NUP35: variants seen among roughly 807,000 people sequenced by gnomAD.
The protein encoded by NUP35 is nucleoporin 35, also known as nucleoporin NUP35.
In NUP35, 25 loss-of-function variants were observed where a neutral mutation model predicts 41.5. That is an observed-to-expected ratio of 0.60 (90% confidence interval 0.44 to 0.84). The LOEUF (loss-of-function observed/expected upper bound fraction) is 0.84, where lower values mean the gene tolerates loss of function less well. Ranked by LOEUF, NUP35 falls within the 40% of genes least tolerant of loss-of-function variation. The pLI is 0.00. For missense variants in NUP35, 396 were observed against 396.6 expected (o/e 1.00, Z 0.01); for synonymous variants, 149 against 130.7 (o/e 1.14, Z -0.96).
chr2:183,138,271 T>TA (rs1559147396), intron 4 of NUP35, among the ~76,000 whole-genome samples: 84 of 54,326 alleles, frequency 1.5e-3, no homozygotes, highest in East Asian at 0.013. Context: ...ATATATATAT[T>TA]TTTTTTTTTT....
chr2:183,147,275 C>T (rs907203899), intron 4 of NUP35, among the ~76,000 whole-genome samples: 1 of 152,130 alleles, frequency 6.6e-6, no homozygotes, highest in African/African-American at 2.4e-5. Flanking sequence ...AAGTCTTTGC[C>T]TAGGCCAATG....
chr2:183,152,385 C>T (rs1048639489), intron 5 of NUP35, among the ~76,000 whole-genome samples: 2 of 152,134 alleles, frequency 1.3e-5, no homozygotes, highest in African/African-American at 4.8e-5. Flanking sequence ...GCACCCATCT[C>T]CTGAGCAGTA....
At chr2:183,135,252 C>T (rs976026363) in intron 4 of NUP35, among the ~76,000 whole-genome samples, 2 of 152,156 alleles carry the variant, frequency 1.3e-5, no homozygotes, top group Non-Finnish European at 2.9e-5. Flanking sequence ...CAGCTTATTC[C>T]ACCTACCACT....
rs756113093 is a variant in NUP35 at position 183,157,531 on chromosome 2, T to TA, written c.609+18_609+19insA. ...AACATGTGGTAAGGCTTAATTTTTT[T>TA]CAGTTCAGAGTTTTGACTAAAGAGG... On this transcript the variant is annotated intron_variant, in intron 6 of 8. Transcript: ENST00000295119. 1 of 1,548,702 alleles carries TA rather than the reference T, an allele frequency of 6.5e-7. No homozygotes were observed. Among genetic ancestry groups the TA allele is most frequent in the Non-Finnish European group, 8.9e-7 (1 of 1,121,732 alleles).
At chr2:183,122,139 TG>T (rs1700077827), upstream of NUP35, among the ~76,000 whole-genome samples, 2 of 151,610 alleles carry the variant, frequency 1.3e-5, no homozygotes, top group Non-Finnish European at 2.9e-5. Flanking sequence ...TGCAGTGGCA[TG>T]GTCTTGGCTC....
intron 2 of NUP35, among the ~76,000 whole-genome samples, chr2:183,129,217 TG>T (rs34592491): frequency 0.079 from 11,942 of 152,034 alleles, 550 homozygotes; most frequent in South Asian, 0.17. Context: ...TAAGGAAACT[TG>T]GGGGGGAGGT....
chr2:183,156,834 T>A (rs1403437143), intron 5 of NUP35, among the ~76,000 whole-genome samples: 1 of 152,148 alleles, frequency 6.6e-6, no homozygotes, highest in Non-Finnish European at 1.5e-5. Flanking sequence ...TAATATGTCA[T>A]TGTAAAATAT....
At chr2:183,124,381 T>C, upstream of NUP35, 1 of 1,613,338 alleles carries the variant, frequency 6.2e-7, no homozygotes, top group Non-Finnish European at 8.5e-7. Flanking sequence ...TAGCACGCCG[T>C]TACCCGTGGG....
rs2105618404 is a variant in NUP35, at chr2:183,157,431, C to T, written c.540-13C>T. 2 of 1,597,608 alleles carry T rather than the reference C, an allele frequency of 1.3e-6. No individual in the cohort carries two copies. The highest frequency in any genetic ancestry group is 1.7e-6 in the Non-Finnish European group (2 of 1,165,328). On this transcript the variant is annotated splice_polypyrimidine_tract_variant and intron_variant, in intron 5 of 8. Transcript: ENST00000295119. ...AGAAGCTGACGTTTTCTTTGGACAA[C>T]TCTTTTTTTCAGGTTTCCTCAAGCA... is the stretch of plus-strand genomic sequence containing the variant.
intron 4 of NUP35, among the ~76,000 whole-genome samples, chr2:183,145,733 G>A (rs1174092382): frequency 6.6e-6 from 1 of 152,166 alleles, no homozygotes; most frequent in Non-Finnish European, 1.5e-5. Flanking sequence ...AAAGTTAACT[G>A]TTGTTAGTAA....
In NUP35 at chr2:183,141,209, A is replaced by G. The variant is rs115877740; in HGVS notation, c.397+7586A>G. Among the ~76,000 whole-genome samples the G allele has an allele frequency of 1.3e-3, 195 of 151,534 alleles. 1 individual carries two copies. Among genetic ancestry groups the G allele is most frequent in the African/African-American group, 4.6e-3 (190 of 41,258 alleles). ...GCATATCATTCCATTCCCTGCTTCC[A>G]TAATCACATAGCCTTCCCTGAAGTA... is the stretch of plus-strand genomic sequence containing the variant. On this transcript the variant is annotated intron_variant, in intron 4 of 8. Transcript: ENST00000295119.
intron 1 of NUP35, among the ~76,000 whole-genome samples, chr2:183,126,666 CTTGTA>C (rs374352465): frequency 1.0e-3 from 148 of 146,480 alleles, no homozygotes; most frequent in African/African-American, 3.4e-3. Context: ...CTTTTATACA[CTTGTA>C]TTGTTAATAT....
intron 4 of NUP35, 147 bp downstream of exon 4, chr2:183,133,770 T>G: frequency 1.9e-6 from 1 of 534,988 alleles, no homozygotes; most frequent in African/African-American, 2.0e-5. Flanking sequence ...ATATAAAATG[T>G]TTGTTGGTAA....
upstream of NUP35, among the ~76,000 whole-genome samples, chr2:183,122,238 G>A (rs1216590441): frequency 1.3e-5 from 2 of 151,888 alleles, no homozygotes; most frequent in Admixed American, 6.6e-5. Context: ...CACCATGCCC[G>A]GATAATTTTT....
At chr2:183,134,684 C>T (rs993619366) in intron 4 of NUP35, among the ~76,000 whole-genome samples, 3 of 151,526 alleles carry the variant, frequency 2.0e-5, no homozygotes, top group Non-Finnish European at 4.4e-5. Flanking sequence ...GGCACCATCT[C>T]GGCTCACTGC....
rs2368374 is a variant in NUP35 at position 183,151,417 on chromosome 2, T to C, written c.398-91T>C. The C allele has an allele frequency of 6.8e-3, 8,509 of 1,259,460 alleles. 461 individuals carry two copies. The African/African-American group carries it at 0.11, about 16-fold the overall frequency. 78.0% of individuals were successfully genotyped at this position (1,259,460 alleles called of 1,614,324 possible). ...ACTGTTTATGTAATTGCCAACTTTATTAGACTTTATCATTTAAAACTAAGA... is the reference window on the plus strand; with the variant it reads ...ACTGTTTATGTAATTGCCAACTTTACTAGACTTTATCATTTAAAACTAAGA... On this transcript the variant is annotated intron_variant, in intron 4 of 8. Coordinates refer to ENST00000295119, the MANE Select transcript of NUP35 (RefSeq NM_138285.5).
chr2:183,141,002 T>C (rs1685076376), intron 4 of NUP35, among the ~76,000 whole-genome samples: 1 of 152,180 alleles, frequency 6.6e-6, no homozygotes, highest in African/African-American at 2.4e-5. Context: ...ACCACAAATG[T>C]ATTGGCTTAA....
chr2:183,147,761 C>T (rs1400619170), intron 4 of NUP35, among the ~76,000 whole-genome samples: 1 of 152,048 alleles, frequency 6.6e-6, no homozygotes, highest in Non-Finnish European at 1.5e-5. Context: ...TTCCTTTGGG[C>T]AATATGGTCA....
intron 4 of NUP35, among the ~76,000 whole-genome samples, chr2:183,144,888 T>C (rs553618154): frequency 6.6e-6 from 1 of 152,358 alleles, no homozygotes; most frequent in East Asian, 1.9e-4. Context: ...TTAGATTGCT[T>C]ATTCGTTTGA....
Sources: gnomAD v4.1 joint callset for allele counts (sites outside exome capture counted in the v4.1 genomes callset) on GRCh38, gnomAD v4.1.1 for gene constraint, MANE v1.5 for transcripts, NCBI Gene and HGNC (gene_info 2026-07-23, HGNC 2026-07-21) for gene names.